Variants in SCMH1 observed in about 807,000 individuals in gnomAD.
SCMH1 encodes polycomb protein SCMH1.
In SCMH1, 37 loss-of-function variants were observed where a neutral mutation model predicts 70.8. The ratio of observed to expected loss-of-function variants is 0.52; its 90% CI spans 0.40 to 0.69. The LOEUF (loss-of-function observed/expected upper bound fraction) is 0.69, where lower values mean the gene tolerates loss of function less well. SCMH1 is among the 30% of genes least tolerant of loss of function. The pLI, the probability that SCMH1 is intolerant of heterozygous loss-of-function variation, is 0.00. For missense variants in SCMH1, 607 were observed against 827.3 expected, an observed-to-expected ratio of 0.73 and a Z score of 3.27; for synonymous variants, 292 against 307.4, an observed-to-expected ratio of 0.95 and a Z score of 0.52.
At chr1:41,114,057 C>T (rs1669861393) in intron 7 of SCMH1, among the ~76,000 whole-genome samples, 1 of 152,020 alleles carries the variant, frequency 6.6e-6, no homozygotes, top group Admixed American at 6.6e-5. Context: ...ATTCATTCTC[C>T]TTTGGACACT....
chr1:41,234,867 CCTT>C (rs1662043282), intron 1 of SCMH1, among the ~76,000 whole-genome samples: 1 of 152,170 alleles, frequency 6.6e-6, no homozygotes, highest in Admixed American at 6.5e-5. Flanking sequence ...TCACTTCCCT[CCTT>C]CTGCCTTGGC....
chr1:41,101,399 A>C (rs1442045623), intron 8 of SCMH1, among the ~76,000 whole-genome samples: 1 of 152,198 alleles, frequency 6.6e-6, no homozygotes, highest in Non-Finnish European at 1.5e-5. Context: ...AGACTCTATG[A>C]CTTTTTACTT....
Position 41,113,678 on chromosome 1 carries a change from T to C in SCMH1, c.502-152A>G. 1.4e-6 allele frequency: 1 copy of C among 715,044 alleles called. No individual in the cohort carries two copies. The allele number at this position is 715,044 out of a possible 1,614,324, so 44.3% of individuals were successfully genotyped here. On this transcript the variant is annotated intron_variant, in intron 7 of 14. Transcript: ENST00000337495. The surrounding 1 kb of genome is among the most constrained non-coding windows in gnomAD (Gnocchi z 4.3). Reference sequence around the variant, plus strand: ...TCTTTTAAATTAATTTTAAATTCAATATTTCAATATTTAAAGTATTACTTT... The same window carrying C: ...TCTTTTAAATTAATTTTAAATTCAACATTTCAATATTTAAAGTATTACTTT...
chr1:41,148,811 G>A (rs1644814986), intron 5 of SCMH1, among the ~76,000 whole-genome samples: 1 of 151,972 alleles, frequency 6.6e-6, no homozygotes. Context: ...TTTATTTTGA[G>A]ACACAGTCTC....
intron 8 of SCMH1, among the ~76,000 whole-genome samples, chr1:41,086,064 C>A (rs997648317): frequency 2.6e-5 from 4 of 152,242 alleles, no homozygotes; most frequent in Admixed American, 2.6e-4. Context: ...TGGTCTCGAT[C>A]TCCTGACCTT....
chr1:41,146,197 T>G (rs1404619710), intron 5 of SCMH1, among the ~76,000 whole-genome samples: 1 of 151,170 alleles, frequency 6.6e-6, no homozygotes, highest in South Asian at 2.1e-4. Context: ...TTAAGTTTTT[T>G]AACAAAAAGA....
chr1:41,098,798 A>T (rs953865289), intron 8 of SCMH1: 1 of 139,270 alleles, frequency 7.2e-6, no homozygotes, highest in Non-Finnish European at 1.5e-5. Flanking sequence ...CCACAAATGT[A>T]CATGTCACCA....
intron 1 of SCMH1, among the ~76,000 whole-genome samples, chr1:41,189,858 G>A (rs1028654618): frequency 2.0e-5 from 3 of 152,308 alleles, no homozygotes; most frequent in African/African-American, 7.2e-5. Context: ...TATGTATAAT[G>A]TTTACCCTTT....
chr1:41,229,215 GATTC>G (rs978972498), intron 1 of SCMH1, among the ~76,000 whole-genome samples: 4 of 147,938 alleles, frequency 2.7e-5, no homozygotes, highest in African/African-American at 9.7e-5. Context: ...AAAAAAAAAA[GATTC>G]ATTAATTCAT....
intron 1 of SCMH1, among the ~76,000 whole-genome samples, chr1:41,232,165 C>T (rs1441479612): frequency 6.6e-6 from 1 of 151,950 alleles, no homozygotes; most frequent in African/African-American, 2.4e-5. Flanking sequence ...AATAGTAAAA[C>T]CCACTGAGGG....
At chr1:41,227,510 T>C (rs1288487304) in intron 1 of SCMH1, among the ~76,000 whole-genome samples, 10 of 152,124 alleles carry the variant, frequency 6.6e-5, no homozygotes, top group Admixed American at 5.9e-4. Context: ...AGGGAAAACA[T>C]TGTATGATTC....
chr1:41,147,171 C>G (rs964791164), intron 5 of SCMH1, among the ~76,000 whole-genome samples: 4 of 152,132 alleles, frequency 2.6e-5, no homozygotes, highest in Admixed American at 1.3e-4. Context: ...TATTGAGCAT[C>G]TCTATTCATG....
chr1:41,148,857 C>T (rs1644820639), intron 5 of SCMH1, among the ~76,000 whole-genome samples: 1 of 152,178 alleles, frequency 6.6e-6, no homozygotes, highest in African/African-American at 2.4e-5. Context: ...GTGGCATGAT[C>T]TCAGCTCACT....
intron 7 of SCMH1, among the ~76,000 whole-genome samples, chr1:41,116,291 T>C (rs213766): frequency 0.85 from 129,305 of 152,246 alleles, 55,399 homozygotes; most frequent in East Asian, 0.97. Context: ...AAACCTAATT[T>C]AATACCCTTT....
chr1:41,093,117 C>G (rs1215759056), intron 8 of SCMH1, among the ~76,000 whole-genome samples: 2 of 151,958 alleles, frequency 1.3e-5, no homozygotes, highest in African/African-American at 4.8e-5. Context: ...AGACTTGGAA[C>G]CAACCCAAAT....
chr1:41,154,189 A>T (rs915474765), intron 4 of SCMH1, among the ~76,000 whole-genome samples: 1 of 152,218 alleles, frequency 6.6e-6, no homozygotes, highest in Admixed American at 6.5e-5. Flanking sequence ...CATTTCTTTA[A>T]ACAAAGTTCT....
chr1:41,216,583 C>T (rs1046082551), intron 1 of SCMH1, among the ~76,000 whole-genome samples: 2 of 152,178 alleles, frequency 1.3e-5, no homozygotes, highest in African/African-American at 4.8e-5. Flanking sequence ...TGAAGGCTTC[C>T]TGGCACCAGA....
intron 1 of SCMH1, among the ~76,000 whole-genome samples, chr1:41,201,417 T>G (rs891475911): frequency 6.6e-6 from 1 of 152,228 alleles, no homozygotes; most frequent in Non-Finnish European, 1.5e-5. Context: ...AGAACTCAAG[T>G]GTTCTCTTAG....
intron 1 of SCMH1, among the ~76,000 whole-genome samples, chr1:41,194,986 C>A (rs12402868): frequency 0.078 from 11,850 of 151,944 alleles, 596 homozygotes; most frequent in South Asian, 0.12. Flanking sequence ...ACAAAATTAG[C>A]TGCGCTTGGT....
Sources: allele counts gnomAD v4.1 joint callset (sites outside exome capture counted in the v4.1 genomes callset), GRCh38; gene constraint gnomAD v4.1.1; non-coding constraint Gnocchi (gnomAD v3.1); transcripts MANE v1.5; gene names NCBI Gene and HGNC (gene_info 2026-07-23, HGNC 2026-07-21).